The following MLKL variants were observed in gnomAD, a reference collection of about 807,000 sequenced individuals.
MLKL encodes mixed lineage kinase domain-like protein.
Under a neutral mutation model 56.5 loss-of-function variants are expected in MLKL, and 55 were observed. That is an observed-to-expected ratio of 0.97 (90% CI 0.78 to 1.22). The LOEUF (loss-of-function observed/expected upper bound fraction) is 1.22, where lower values mean the gene tolerates loss of function less well. Among genes scored for constraint, MLKL ranks in the 50% most tolerant of loss-of-function variants. MLKL has a pLI of 0.00. For missense variants in MLKL, 694 were observed against 573.9 expected, an observed-to-expected ratio of 1.21 and a Z score of -2.14; for synonymous variants, 251 against 208.3, an observed-to-expected ratio of 1.20 and a Z score of -1.76.
At chr16:74,678,790 T>C (rs962420146) in intron 7 of MLKL, 109 bp downstream of exon 7, 5 of 804,578 alleles carry the variant, frequency 6.2e-6, no homozygotes, top group Non-Finnish European at 1.0e-5. Context: ...TCTAAATAAA[T>C]AAATAAATAA....
intron 5 of MLKL, among the ~76,000 whole-genome samples, chr16:74,684,684 CG>C (rs1960221587): frequency 6.6e-6 from 1 of 150,872 alleles, no homozygotes; most frequent in Non-Finnish European, 1.5e-5. Flanking sequence ...TTAGTAGAGA[CG>C]GGGTTTCATC....
chr16:74,695,293 C>T lies in MLKL; in HGVS notation c.460+5G>A. The stretch of plus-strand genomic sequence containing the variant: ...CTCCCACTCCCCACCAAAGACCCAG[C>T]TTGCCTCTTCTTAGCATCTGGAAAG... On this transcript the variant is annotated splice_donor_5th_base_variant and intron_variant, in intron 2 of 10. Transcript: ENST00000308807. 5.6e-6 allele frequency: 9 copies of T among 1,612,184 alleles called. No individual in the cohort carries two copies. The highest frequency in any genetic ancestry group is 6.8e-6 in the Non-Finnish European group (8 of 1,179,002).
chr16:74,676,282 C>T (rs1206919554), intron 7 of MLKL: 1 of 987,942 alleles, frequency 1.0e-6, no homozygotes, highest in East Asian at 1.1e-4. Flanking sequence ...GAGTCATCCC[C>T]CCAGGCCTGC....
intron 10 of MLKL, among the ~76,000 whole-genome samples, chr16:74,674,411 G>A (rs375409105): frequency 2.6e-5 from 4 of 151,684 alleles, no homozygotes; most frequent in African/African-American, 9.7e-5. Flanking sequence ...CCTTGGCCTC[G>A]CAAAATGTTG....
intron 4 of MLKL, among the ~76,000 whole-genome samples, chr16:74,688,167 G>A (rs1264246284): frequency 2.6e-5 from 4 of 151,408 alleles, no homozygotes; most frequent in African/African-American, 7.3e-5. Context: ...ATGGGGTTTC[G>A]CCATGTTGGC....
chr16:74,688,318 G>A (rs1960460661), intron 4 of MLKL, among the ~76,000 whole-genome samples: 1 of 152,182 alleles, frequency 6.6e-6, no homozygotes, highest in African/African-American at 2.4e-5. Context: ...ATATCAACAT[G>A]CAGAAAAATG....
At chr16:74,675,832 G>A (rs1288868682) in intron 7 of MLKL, 68 bp from the exon 8 acceptor site, 3 of 1,510,994 alleles carry the variant, frequency 2.0e-6, no homozygotes, top group South Asian at 2.4e-5. Context: ...GGCAGGGATT[G>A]TTGCTACACA....
chr16:74,693,900 G>A (rs961524757), intron 2 of MLKL, among the ~76,000 whole-genome samples: 1 of 152,138 alleles, frequency 6.6e-6, no homozygotes, highest in Non-Finnish European at 1.5e-5. Context: ...ACCCCGCCTG[G>A]CCGAAATGGT....
At chr16:74,697,974 G>A (rs1202691853) in intron 1 of MLKL, among the ~76,000 whole-genome samples, 1 of 152,184 alleles carries the variant, frequency 6.6e-6, no homozygotes, top group Non-Finnish European at 1.5e-5. Flanking sequence ...GTGAGGCTGA[G>A]GCCAGGGGAT....
At chr16:74,691,598 TTCTGATGGACTCAGC>T (rs1161812556) in intron 3 of MLKL, 135 bp from the exon 4 acceptor site, 1 of 976,768 alleles carries the variant, frequency 1.0e-6, no homozygotes, top group Non-Finnish European at 1.5e-6. Context: ...TGGCTGGGGC[TTCTGATGGACTCAGC>T]CCAAGGGAGC....
At chr16:74,696,861 G>A (rs1236385255) in intron 1 of MLKL, among the ~76,000 whole-genome samples, 2 of 149,588 alleles carry the variant, frequency 1.3e-5, no homozygotes, top group African/African-American at 2.4e-5. Flanking sequence ...GGAGGGCTAA[G>A]CCAGGAGAAT....
intron 1 of MLKL, among the ~76,000 whole-genome samples, chr16:74,696,625 A>G (rs944561560): frequency 2.0e-5 from 3 of 151,846 alleles, no homozygotes; most frequent in Non-Finnish European, 4.4e-5. Flanking sequence ...TTTCTCTACA[A>G]AAATAAAAAA....
Position 74,700,784 on chromosome 16 carries a change from T to G in MLKL, c.-334A>C, listed in dbSNP as rs1421264072. On this transcript the variant is annotated 5_prime_UTR_variant, in exon 1 of 11. Coordinates refer to ENST00000308807, the MANE Select transcript of MLKL (RefSeq NM_152649.4). ...CCAGTGCCCTCCGGAGGCCACTGCC[T>G]CAGGTCTGTGATGCCTGCAGAGAAT... 2.6e-5 allele frequency: 4 copies of G among 152,298 alleles called. No individual in the cohort carries two copies. Among genetic ancestry groups the G allele is most frequent in the Admixed American group, 6.5e-5 (1 of 15,282 alleles). 9.4% of individuals were successfully genotyped at this position (152,298 alleles called of 1,614,324 possible). A position where few individuals can be genotyped will look rare whatever the true frequency, so the allele number is the denominator to read the frequency against.
chr16:74,674,420 T>C (rs1959453154), intron 10 of MLKL, among the ~76,000 whole-genome samples: 1 of 151,966 alleles, frequency 6.6e-6, no homozygotes, highest in African/African-American at 2.4e-5. Context: ...CGCAAAATGT[T>C]GGGATTATAG....
intron 5 of MLKL, among the ~76,000 whole-genome samples, chr16:74,683,609 A>G (rs1960131600): frequency 6.6e-6 from 1 of 152,084 alleles, no homozygotes; most frequent in Admixed American, 6.6e-5. Flanking sequence ...AAAAAAAAAA[A>G]AATTCTTTTT....
At chr16:74,672,797 A>T in intron 10 of MLKL, among the ~76,000 whole-genome samples, 1 of 152,210 alleles carries the variant, frequency 6.6e-6, no homozygotes, top group East Asian at 1.9e-4. Context: ...AGATTCCTTA[A>T]TACTAGGAGG....
intron 5 of MLKL, among the ~76,000 whole-genome samples, chr16:74,683,508 A>C (rs1960123273): frequency 6.6e-6 from 1 of 150,470 alleles, no homozygotes; most frequent in Non-Finnish European, 1.5e-5. Flanking sequence ...AGGCAGGAGA[A>C]TTGCTTGAAC....
chr16:74,681,655 G>A (rs1463090115), intron 6 of MLKL, among the ~76,000 whole-genome samples: 4 of 151,906 alleles, frequency 2.6e-5, no homozygotes, highest in Admixed American at 6.6e-5. Flanking sequence ...TTAGCCAGGC[G>A]TAGTGGCAGG....
chr16:74,682,890 G>T, intron 5 of MLKL, 104 bp from the exon 6 acceptor site: 1 of 1,362,266 alleles, frequency 7.3e-7, no homozygotes, highest in South Asian at 1.4e-5. Flanking sequence ...ACTTGGCTCT[G>T]CTGAGTCCCA....
Sources: allele counts gnomAD v4.1 joint callset (sites outside exome capture counted in the v4.1 genomes callset), GRCh38; gene constraint gnomAD v4.1.1; transcripts MANE v1.5; gene names NCBI Gene and HGNC (gene_info 2026-07-23, HGNC 2026-07-21).